Variants in PRKCA observed in about 807,000 individuals in gnomAD.
PRKCA encodes the protein protein kinase C alpha type.
A neutral mutation model predicts 87.0 loss-of-function variants in PRKCA; 27 were observed. The observed-to-expected ratio is 0.31, with a 90% confidence interval of 0.23 to 0.43. The LOEUF is 0.43. Ranked by LOEUF, PRKCA falls within the 20% of genes least tolerant of loss-of-function variation. PRKCA has a pLI of 1.00. For synonymous variants in PRKCA, 329 were observed against 311.1 expected (o/e 1.06, Z -0.61); for missense variants, 518 against 852.3 (o/e 0.61, Z 4.88).
intron 2 of PRKCA, among the ~76,000 whole-genome samples, chr17:66,389,712 G>A (rs1910261173): frequency 6.6e-6 from 1 of 152,224 alleles, no homozygotes; most frequent in Admixed American, 6.5e-5. Context: ...GAGATTGGCT[G>A]AGGAGCATCA....
At chr17:66,524,750 G>A (rs1317358180) in intron 3 of PRKCA, among the ~76,000 whole-genome samples, 1 of 152,104 alleles carries the variant, frequency 6.6e-6, no homozygotes, top group African/African-American at 2.4e-5. Context: ...TGGAAGGTAC[G>A]CTTGCCTATT....
intron 3 of PRKCA, among the ~76,000 whole-genome samples, chr17:66,525,861 A>G (rs533696640): frequency 6.6e-6 from 1 of 152,086 alleles, no homozygotes; most frequent in East Asian, 1.9e-4. Flanking sequence ...TTTTTTTTCA[A>G]TTCAGAAGAA....
intron 2 of PRKCA, among the ~76,000 whole-genome samples, chr17:66,392,552 G>A (rs1397321835): frequency 2.0e-5 from 3 of 151,904 alleles, no homozygotes; most frequent in South Asian, 2.1e-4. Context: ...TTAGCTTCTC[G>A]GGCTGTCATT....
intron 3 of PRKCA, among the ~76,000 whole-genome samples, chr17:66,550,960 T>C (rs1314769405): frequency 6.6e-6 from 1 of 152,246 alleles, no homozygotes; most frequent in Non-Finnish European, 1.5e-5. Context: ...CTATATAACA[T>C]GAGTTACATG....
chr17:66,682,100 G>A (rs996436565), intron 5 of PRKCA, among the ~76,000 whole-genome samples: 4 of 152,188 alleles, frequency 2.6e-5, no homozygotes, highest in African/African-American at 9.7e-5. Context: ...CTCCATTCCT[G>A]AACATTTACT....
chr17:66,738,912 A>T (rs946154673), intron 11 of PRKCA, 57 bp downstream of exon 11: 20 of 1,323,302 alleles, frequency 1.5e-5, no homozygotes, highest in Non-Finnish European at 1.9e-5. Context: ...CCAACTGGAA[A>T]CTTCCTTTTT....
intron 2 of PRKCA, among the ~76,000 whole-genome samples, chr17:66,487,626 C>CAGA (rs1916041888): frequency 1.3e-5 from 2 of 152,198 alleles, no homozygotes; most frequent in Non-Finnish European, 2.9e-5. Context: ...TACCACTTTA[C>CAGA]ATTCCCACCA....
intron 3 of PRKCA, among the ~76,000 whole-genome samples, chr17:66,515,271 C>CAAAA (rs71367172): frequency 0.34 from 32,130 of 95,646 alleles, 4,805 homozygotes; most frequent in South Asian, 0.5. Context: ...GACTCTGTCT[C>CAAAA]AAAAAAAAAA....
At chr17:66,722,052 A>G (rs4465636) in intron 8 of PRKCA, among the ~76,000 whole-genome samples, 27,202 of 152,122 alleles carry the variant, frequency 0.18, 2,607 homozygotes, top group South Asian at 0.27. Context: ...CTGTAGATGA[A>G]TCTTTGGACC....
At chr17:66,460,326 G>C (rs1300065473) in intron 2 of PRKCA, among the ~76,000 whole-genome samples, 5 of 152,092 alleles carry the variant, frequency 3.3e-5, no homozygotes, top group Non-Finnish European at 7.4e-5. Flanking sequence ...TTTAAAAATA[G>C]CTCCTTCAGA....
At chr17:66,577,313 G>A (rs1969269384) in intron 3 of PRKCA, among the ~76,000 whole-genome samples, 2 of 152,130 alleles carry the variant, frequency 1.3e-5, no homozygotes, top group South Asian at 2.1e-4. Context: ...CTCTCACATT[G>A]GTCAAGGCCT....
intron 3 of PRKCA, among the ~76,000 whole-genome samples, chr17:66,543,753 A>G (rs1243252602): frequency 1.3e-5 from 2 of 152,232 alleles, no homozygotes; most frequent in Non-Finnish European, 2.9e-5. Flanking sequence ...CATGAAGTCC[A>G]TGTACCCTAC....
At chr17:66,759,273 G>T (rs940757067) in intron 13 of PRKCA, among the ~76,000 whole-genome samples, 1 of 151,728 alleles carries the variant, frequency 6.6e-6, no homozygotes, top group Non-Finnish European at 1.5e-5. Context: ...GGAGAATGGC[G>T]TGAACCCGGG....
chr17:66,394,509 G>T (rs1412885242), intron 2 of PRKCA, among the ~76,000 whole-genome samples: 1 of 152,210 alleles, frequency 6.6e-6, no homozygotes, highest in East Asian at 1.9e-4. Flanking sequence ...GGGCACACCT[G>T]CTGGGTTCTA....
rs781372475 is a variant in PRKCA at position 66,788,995 on chromosome 17, CA to C, written c.1854+17del. On this transcript the variant is annotated intron_variant, in intron 16 of 16. Transcript: ENST00000413366. ...GCCCAAAGTGGTGAGTCCAGAAAAG[CA>C]GCCTGTTTTCGGAACCCCATGTCCC... is the stretch of plus-strand genomic sequence containing the variant. 7 of 1,613,776 alleles carry C rather than the reference CA, an allele frequency of 4.3e-6. No homozygotes were observed. The highest frequency in any genetic ancestry group is 8.5e-7 in the Non-Finnish European group (1 of 1,179,904).
chr17:66,402,262 T>C (rs900046571), intron 2 of PRKCA, among the ~76,000 whole-genome samples: 1 of 152,142 alleles, frequency 6.6e-6, no homozygotes, highest in Admixed American at 6.5e-5. Flanking sequence ...CGTGTGAAGA[T>C]CCTTAGGACC....
chr17:66,626,613 G>A (rs753697454), intron 3 of PRKCA, among the ~76,000 whole-genome samples: 4 of 150,658 alleles, frequency 2.7e-5, no homozygotes, highest in South Asian at 2.1e-4. Flanking sequence ...CTCGTGATCC[G>A]CCTGCCTTGG....
intron 10 of PRKCA, 80 bp downstream of exon 10, chr17:66,735,742 G>A (rs1974007792): frequency 2.0e-6 from 3 of 1,495,482 alleles, no homozygotes; most frequent in East Asian, 4.6e-5. Context: ...TAGCATCCTT[G>A]TTCCTTTGGA....
At chr17:66,735,806 C>A in intron 10 of PRKCA, 144 bp downstream of exon 10, 2 of 844,938 alleles carry the variant, frequency 2.4e-6, no homozygotes, top group Non-Finnish European at 3.6e-6. Context: ...TGGGGACCAC[C>A]TCCCACCTCT....
Sources: gnomAD v4.1 joint callset for allele counts (sites outside exome capture counted in the v4.1 genomes callset) on GRCh38, gnomAD v4.1.1 for gene constraint, MANE v1.5 for transcripts, NCBI Gene and HGNC (gene_info 2026-07-23, HGNC 2026-07-21) for gene names.